ADGRL3: variants seen among roughly 807,000 people sequenced by gnomAD.
ADGRL3 encodes adhesion G protein-coupled receptor L3, also known as calcium-independent alpha-latrotoxin receptor 3.
A neutral mutation model predicts 153.5 loss-of-function variants in ADGRL3; 62 were observed. The ratio of observed to expected loss-of-function variants is 0.40; its 90% CI spans 0.33 to 0.50. The LOEUF (loss-of-function observed/expected upper bound fraction) is 0.50, where lower values mean the gene tolerates loss of function less well. ADGRL3 is among the 20% of genes least tolerant of loss of function. The pLI, the probability that ADGRL3 is intolerant of heterozygous loss-of-function variation, is 0.47. For missense variants in ADGRL3, 1,641 were observed against 1,859.4 expected, an observed-to-expected ratio of 0.88 and a Z score of 2.16; for synonymous variants, 710 against 672.5, an observed-to-expected ratio of 1.06 and a Z score of -0.86.
intron 2 of ADGRL3, among the ~76,000 whole-genome samples, chr4:61,399,111 T>C (rs747439423): frequency 2.6e-5 from 4 of 151,702 alleles, no homozygotes; most frequent in Non-Finnish European, 5.9e-5. Context: ...CATATGGAAA[T>C]GGAAATTGTT....
At chr4:61,869,239 C>A (rs1647841400) in intron 9 of ADGRL3, among the ~76,000 whole-genome samples, 1 of 152,170 alleles carries the variant, frequency 6.6e-6, no homozygotes, top group Admixed American at 6.5e-5. Flanking sequence ...CCACCATGCC[C>A]AGCCCATTTT....
intron 8 of ADGRL3, among the ~76,000 whole-genome samples, chr4:61,750,361 A>T (rs2096738756): frequency 6.6e-6 from 1 of 152,302 alleles, no homozygotes; most frequent in Admixed American, 6.5e-5. Flanking sequence ...AATGTCACAT[A>T]CGTAGTCCAG....
chr4:61,641,372 G>C (rs1438511625), intron 5 of ADGRL3, among the ~76,000 whole-genome samples: 1 of 151,254 alleles, frequency 6.6e-6, no homozygotes, highest in Non-Finnish European at 1.5e-5. Context: ...TGCCATGCTG[G>C]TGCGCTGCAC....
intron 1 of ADGRL3, among the ~76,000 whole-genome samples, chr4:61,376,304 AT>A (rs1421511305): frequency 1.4e-5 from 2 of 139,354 alleles, no homozygotes; most frequent in East Asian, 4.2e-4. Flanking sequence ...GGAAACCATG[AT>A]TAGTATGCAA....
At chr4:61,620,323 GAGTGGTA>G (rs1032402548) in intron 5 of ADGRL3, among the ~76,000 whole-genome samples, 7 of 152,304 alleles carry the variant, frequency 4.6e-5, no homozygotes, top group Middle Eastern at 6.8e-3. Context: ...GTAGATGGAT[GAGTGGTA>G]ACTAATTGAA....
rs1324505958 is a variant in ADGRL3 at position 62,077,986 on chromosome 4, A to T, written c.*7078A>T. ...CATTGGAAGTGGATGGATAACTTGG[A>T]ACTTTTTCCATACTGTTTTCCCCCT... is the stretch of plus-strand genomic sequence containing the variant. On this transcript the variant is annotated 3_prime_UTR_variant, in exon 27 of 27. Transcript: ENST00000683033. 6.6e-6 allele frequency: 1 copy of T among 151,968 alleles called. No individual in the cohort carries two copies. The highest frequency in any genetic ancestry group is 1.9e-4 in the East Asian group (1 of 5,180). The allele number at this position is 151,968 out of a possible 1,614,324, so 9.4% of individuals were successfully genotyped here.
intron 9 of ADGRL3, among the ~76,000 whole-genome samples, chr4:61,835,933 C>G (rs919807621): frequency 1.6e-4 from 24 of 152,108 alleles, no homozygotes; most frequent in African/African-American, 5.6e-4. Context: ...TTTAACTGCT[C>G]AAGATAATTT....
At chr4:61,957,046 A>G (rs1182920540) in intron 17 of ADGRL3, among the ~76,000 whole-genome samples, 2 of 152,114 alleles carry the variant, frequency 1.3e-5, no homozygotes, top group South Asian at 2.1e-4. Flanking sequence ...TATGAAATTC[A>G]AAGTAGTTTT....
At chr4:61,764,229 C>T (rs1444412990) in intron 8 of ADGRL3, among the ~76,000 whole-genome samples, 3 of 151,984 alleles carry the variant, frequency 2.0e-5, no homozygotes, top group Admixed American at 6.6e-5. Flanking sequence ...CATGTGCGTC[C>T]GTGTGAAGAG....
At chr4:61,983,760 GA>G (rs948740647) in intron 19 of ADGRL3, among the ~76,000 whole-genome samples, 157 bp downstream of exon 19, 8 of 151,868 alleles carry the variant, frequency 5.3e-5, no homozygotes, top group African/African-American at 1.9e-4. Flanking sequence ...GATGTAAAAA[GA>G]AAAAAATACC....
intron 2 of ADGRL3, among the ~76,000 whole-genome samples, chr4:61,488,816 T>C (rs750427154): frequency 6.6e-6 from 1 of 152,044 alleles, no homozygotes; most frequent in Non-Finnish European, 1.5e-5. Context: ...GCAAATATTG[T>C]TACTGACACA....
rs550240898 is a variant in ADGRL3, at chr4:62,029,054, T to A, written c.3422+173T>A. 2.4e-4 allele frequency among the ~76,000 whole-genome samples: 36 copies of A among 151,900 alleles called. No homozygotes were observed. In the South Asian group the frequency reaches 7.0e-3, roughly 30 times the overall value. On this transcript the variant is annotated intron_variant, in intron 22 of 26. Coordinates refer to ENST00000683033, the MANE Select transcript of ADGRL3 (RefSeq NM_001387552.1). ...CAACCTATATGCAGAATAAATATGC[T>A]GCAGGTGTATTGCCAAAAAAAAATT...
intron 9 of ADGRL3, among the ~76,000 whole-genome samples, chr4:61,844,634 G>A (rs2098092104): frequency 8.0e-6 from 1 of 124,798 alleles, no homozygotes; most frequent in African/African-American, 3.1e-5. Flanking sequence ...GGAAAAGACT[G>A]ACTAAAACGA....
intron 4 of ADGRL3, among the ~76,000 whole-genome samples, chr4:61,541,311 G>A (rs1353787848): frequency 1.3e-5 from 2 of 151,740 alleles, no homozygotes; most frequent in Non-Finnish European, 1.5e-5. Context: ...TGTCAGTGAG[G>A]GCAAGGGTGG....
intron 3 of ADGRL3, among the ~76,000 whole-genome samples, chr4:61,503,408 T>C (rs180895730): frequency 6.5e-4 from 99 of 152,224 alleles, no homozygotes; most frequent in Admixed American, 1.2e-3. Flanking sequence ...GACTCTGACT[T>C]CTGTAGGGTT....
At chr4:61,572,107 G>T (rs74590511) in intron 4 of ADGRL3, among the ~76,000 whole-genome samples, 1,648 of 152,166 alleles carry the variant, frequency 0.011, 26 homozygotes, top group African/African-American at 0.037. Flanking sequence ...GAGAGTTTTT[G>T]AAAATTCTTT....
intron 5 of ADGRL3, among the ~76,000 whole-genome samples, chr4:61,612,225 C>A (rs1312348160): frequency 6.6e-6 from 1 of 152,084 alleles, no homozygotes; most frequent in Non-Finnish European, 1.5e-5. Context: ...TAATACAATT[C>A]TTGGCATGAT....
Position 61,755,728 on chromosome 4 carries a change from TA to T in ADGRL3, c.1399+22175del, listed in dbSNP as rs1435349481. Among the ~76,000 whole-genome samples the T allele has an allele frequency of 2.0e-5, 3 of 152,350 alleles. No homozygotes were observed. The East Asian group carries it at 5.8e-4, about 29-fold the overall frequency. On this transcript the variant is annotated intron_variant, in intron 8 of 26. Coordinates refer to ENST00000683033, the MANE Select transcript of ADGRL3 (RefSeq NM_001387552.1). ...ATCTTGAGTGGTATTGTCTAGGTTT[TA>T]TTCTAGGTTTTTTATGGTTTCAGGT...
At chr4:61,251,141 G>T (rs10018853) in intron 1 of ADGRL3, among the ~76,000 whole-genome samples, 2 of 151,972 alleles carry the variant, frequency 1.3e-5, no homozygotes, top group East Asian at 1.9e-4. Flanking sequence ...GTGAGTGCTT[G>T]TCTCTGCTCC....
Sources: allele counts gnomAD v4.1 joint callset (sites outside exome capture counted in the v4.1 genomes callset), GRCh38; gene constraint gnomAD v4.1.1; transcripts MANE v1.5; gene names NCBI Gene and HGNC (gene_info 2026-07-23, HGNC 2026-07-21).